Variants in ELMO2 observed in about 807,000 individuals in gnomAD.
ELMO2 encodes engulfment and cell motility protein 2.
In ELMO2, 37 loss-of-function variants were observed where a neutral mutation model predicts 96.2. That is an observed-to-expected ratio of 0.38 (90% CI 0.30 to 0.51). The LOEUF (loss-of-function observed/expected upper bound fraction) is 0.51. Ranked by LOEUF, ELMO2 falls within the 20% of genes least tolerant of loss-of-function variation. The pLI, the probability that ELMO2 is intolerant of heterozygous loss-of-function variation, is 0.88. For synonymous variants in ELMO2, 315 were observed against 329.4 expected (o/e 0.96, Z 0.47); for missense variants, 561 against 912.6 (o/e 0.61, Z 4.96).
chr20:46,391,707 T>C lies in ELMO2; in HGVS notation c.243+1386A>G, dbSNP rs1476071756. Among the ~76,000 whole-genome samples, 3 of 152,050 alleles carry C rather than the reference T, an allele frequency of 2.0e-5. No individual in the cohort carries two copies. In the East Asian group the frequency reaches 5.8e-4, roughly 29 times the overall value. Reference sequence around the variant, plus strand: ...ACCTGCTTTCCTGCACCTTCAACCTTCCTCTCTTCCATCTGAACACATTCT... The same window carrying C: ...ACCTGCTTTCCTGCACCTTCAACCTCCCTCTCTTCCATCTGAACACATTCT... On this transcript the variant is annotated intron_variant, in intron 6 of 21. Transcript: ENST00000290246.
Position 46,386,269 on chromosome 20 carries a change from C to T in ELMO2, c.532G>A (p.Gly178Arg). The change falls in exon 9 of 22, where the codon GGG becomes AGG. Residue 178 changes from glycine to arginine, a missense_variant. Physicochemically the swap from Gly to Arg is moderately radical, Grantham distance 125. Transcript: ENST00000290246. The stretch of plus-strand genomic sequence containing the variant: ...TCCACCATGGGCTGGCTCACATACC[C>T]TGCAATCTAGACCCAGAGATGGCAC... ...VSITFIKQIAGYVSQPMVDVS... is the reference protein window; with the variant it reads ...VSITFIKQIARYVSQPMVDVS... The T allele has an allele frequency of 1.2e-6, 2 of 1,613,942 alleles. No individual in the cohort carries two copies. Among genetic ancestry groups the T allele is most frequent in the Non-Finnish European group, 1.7e-6 (2 of 1,179,952 alleles).
intron 6 of ELMO2, among the ~76,000 whole-genome samples, chr20:46,389,511 T>C (rs1006000731): frequency 5.3e-5 from 8 of 152,164 alleles, no homozygotes; most frequent in African/African-American, 1.9e-4. Context: ...CTAACGATGG[T>C]AAGTCACAGA....
chr20:46,375,122 G>T lies in ELMO2; in HGVS notation c.1065+114C>A. The T allele has an allele frequency of 7.3e-7, 1 of 1,368,984 alleles. No individual in the cohort carries two copies. The highest frequency in any genetic ancestry group is 9.9e-7 in the Non-Finnish European group (1 of 1,011,672). 84.8% of individuals were successfully genotyped at this position (1,368,984 alleles called of 1,614,324 possible). ...TTAAAGCTCCACCAGCTTCCTAACT[G>T]TCATCTATTCCAGGGCCACCATGGG... On this transcript the variant is annotated intron_variant, in intron 13 of 21. Transcript: ENST00000290246. The surrounding 1 kb of genome is among the most constrained non-coding windows in gnomAD (Gnocchi z 4.6).
At chr20:46,399,409 C>T (rs1383618183) in intron 1 of ELMO2, among the ~76,000 whole-genome samples, 1 of 152,180 alleles carries the variant, frequency 6.6e-6, no homozygotes, top group African/African-American at 2.4e-5. Flanking sequence ...TACCTTTGCA[C>T]ATTCTCTTCC....
intron 16 of ELMO2, 85 bp from the exon 17 acceptor site, chr20:46,372,054 GC>G (rs2059728307): frequency 6.4e-7 from 1 of 1,564,856 alleles, no homozygotes; most frequent in African/African-American, 1.4e-5. Context: ...GCTCTTTCCT[GC>G]CCCAGGGTCT....
chr20:46,385,275 G>T (rs557013610), intron 9 of ELMO2, among the ~76,000 whole-genome samples: 3 of 152,232 alleles, frequency 2.0e-5, no homozygotes, highest in Admixed American at 6.5e-5. Flanking sequence ...AGGTTGGTTG[G>T]AAGTGAGGTA....
At chr20:46,385,087 A>G (rs903945176) in intron 9 of ELMO2, among the ~76,000 whole-genome samples, 1 of 152,234 alleles carries the variant, frequency 6.6e-6, no homozygotes, top group African/African-American at 2.4e-5. Flanking sequence ...AGCATAGCTG[A>G]GTGAAGACAG....
chr20:46,391,110 C>T (rs1167445970), intron 6 of ELMO2, among the ~76,000 whole-genome samples: 2 of 152,122 alleles, frequency 1.3e-5, no homozygotes, highest in African/African-American at 4.8e-5. Flanking sequence ...GTCGGCACTT[C>T]CATAAAAGTG....
chr20:46,395,146 G>A (rs886498640), intron 2 of ELMO2, among the ~76,000 whole-genome samples: 3 of 152,166 alleles, frequency 2.0e-5, no homozygotes, highest in Non-Finnish European at 2.9e-5. Context: ...GGGCAAGGGC[G>A]GCTGACAACT....
At position 46,387,654 on chromosome 20, in the gene ELMO2, TG is replaced by T. The variant is rs1568772775; in HGVS notation, c.426-218del. Reference sequence around the variant, plus strand: ...CTGCAAAAAAAAAAAAAAAAAAAAATGTTGCTGGGTAATTAGATCTTCCTTC... The same window carrying T: ...CTGCAAAAAAAAAAAAAAAAAAAAATTTGCTGGGTAATTAGATCTTCCTTC... On this transcript the variant is annotated intron_variant, in intron 7 of 21. Coordinates refer to ENST00000290246, the MANE Select transcript of ELMO2 (RefSeq NM_133171.5). 2.3e-5 allele frequency: 4 copies of T among 175,446 alleles called. 1 individual carries two copies. The highest frequency in any genetic ancestry group is 1.3e-4 in the South Asian group (1 of 7,458). 10.9% of individuals were successfully genotyped at this position (175,446 alleles called of 1,614,324 possible). A position where few individuals can be genotyped will look rare whatever the true frequency, so the allele number is the denominator to read the frequency against.
At chr20:46,368,750 C>T (rs896459266) in intron 21 of ELMO2, 141 bp downstream of exon 21, 5 of 834,068 alleles carry the variant, frequency 6.0e-6, no homozygotes, top group African/African-American at 1.7e-5. Context: ...GAAATGCCAC[C>T]TTCTTCTCAA....
chr20:46,374,217 C>A, intron 15 of ELMO2, 115 bp downstream of exon 15: 1 of 599,806 alleles, frequency 1.7e-6, no homozygotes, highest in Non-Finnish European at 2.9e-6. Context: ...GCTGAGATTA[C>A]AGGTGTGAAC....
At chr20:46,389,535 G>T (rs1231575346) in intron 6 of ELMO2, among the ~76,000 whole-genome samples, 1 of 152,174 alleles carries the variant, frequency 6.6e-6, no homozygotes, top group Non-Finnish European at 1.5e-5. Context: ...ACAGATACTG[G>T]TTTAATAGAG....
intron 11 of ELMO2, among the ~76,000 whole-genome samples, chr20:46,376,409 C>T (rs73908697): frequency 0.013 from 1,927 of 152,074 alleles, 32 homozygotes; most frequent in African/African-American, 0.044. Context: ...GCCGCCCACA[C>T]CATGTCCCTC....
At chr20:46,368,680 C>G (rs148172681) in intron 21 of ELMO2, among the ~76,000 whole-genome samples, 268 of 96,582 alleles carry the variant, frequency 2.8e-3, no homozygotes, top group African/African-American at 7.8e-3. Flanking sequence ...ATGATACCTG[C>G]TGCTTCATCT....
chr20:46,368,308 TA>T (rs2059625776), intron 21 of ELMO2, among the ~76,000 whole-genome samples: 1 of 152,068 alleles, frequency 6.6e-6, no homozygotes, highest in Admixed American at 6.6e-5. Context: ...ATCACTCATT[TA>T]ATATCTAGTA....
At chr20:46,379,151 G>A (rs141048392) in intron 11 of ELMO2, among the ~76,000 whole-genome samples, 7,676 of 152,016 alleles carry the variant, frequency 0.05, 219 homozygotes, top group Middle Eastern at 0.12. Context: ...CTATCACCAC[G>A]CCCGGCTAAT....
At chr20:46,377,996 G>A (rs750496130) in intron 11 of ELMO2, among the ~76,000 whole-genome samples, 10 of 151,858 alleles carry the variant, frequency 6.6e-5, no homozygotes, top group South Asian at 2.1e-4. Flanking sequence ...CTCTACCTTC[G>A]TCTATCCTAT....
intron 2 of ELMO2, 104 bp from the exon 3 acceptor site, chr20:46,394,636 C>T (rs1479088801): frequency 1.5e-5 from 12 of 813,052 alleles, no homozygotes; most frequent in East Asian, 2.7e-5. Context: ...TAAAGTAACA[C>T]ATGAAACTAC....
Sources: allele counts gnomAD v4.1 joint callset (sites outside exome capture counted in the v4.1 genomes callset), GRCh38; gene constraint gnomAD v4.1.1; non-coding constraint Gnocchi (gnomAD v3.1); transcripts MANE v1.5; gene names NCBI Gene and HGNC (gene_info 2026-07-23, HGNC 2026-07-21).